Variants in SLC12A5 observed in about 807,000 individuals in gnomAD.
The protein encoded by SLC12A5 is solute carrier family 12 member 5.
SLC12A5 carries 18 observed loss-of-function variants against 124.0 expected under a neutral mutation model. The ratio of observed to expected loss-of-function variants is 0.15; its 90% CI spans 0.10 to 0.22. The LOEUF is 0.22. Among genes scored for constraint, SLC12A5 ranks in the 10% least tolerant of loss-of-function variants. SLC12A5 has a pLI of 1.00. For missense variants in SLC12A5, 867 were observed against 1,478.7 expected (o/e 0.59, Z 6.78); for synonymous variants, 589 against 568.0 (o/e 1.04, Z -0.53).
At position 46,045,263 on chromosome 20, in the gene SLC12A5, T is replaced by C; in HGVS notation, c.1569+123T>C. On this transcript the variant is annotated intron_variant, in intron 12 of 25. Transcript: ENST00000243964. This position sits in a 1 kb window ranked among gnomAD's most constrained non-coding sequence, Gnocchi z 4.9. The stretch of plus-strand genomic sequence containing the variant: ...TACCTCCTGGGCCACTTCTGCTCTG[T>C]ACTGCACTGGCCAGGCCTATCTGGC... 2.6e-6 allele frequency: 3 copies of C among 1,173,920 alleles called. No individual in the cohort carries two copies. The highest frequency in any genetic ancestry group is 3.5e-6 in the Non-Finnish European group (3 of 861,022). The allele number at this position is 1,173,920 out of a possible 1,614,324, so 72.7% of individuals were successfully genotyped here. A position where few individuals can be genotyped will look rare whatever the true frequency, so the allele number is the denominator to read the frequency against.
chr20:46,054,253 A>T (rs548153923), intron 20 of SLC12A5, among the ~76,000 whole-genome samples: 1 of 152,346 alleles, frequency 6.6e-6, no homozygotes, highest in South Asian at 2.1e-4. Flanking sequence ...AACATATCTA[A>T]ACATAGAAAA....
In SLC12A5 at chr20:46,057,363, G is replaced by C. The variant is rs371174965; in HGVS notation, c.3259+60G>C. ...GTGGACGTCAGGGAATCTGGGTCCT[G>C]TCCCTGGGATGGAAGAGCTGAGCTG... is the stretch of plus-strand genomic sequence containing the variant. On this transcript the variant is annotated intron_variant, in intron 25 of 25. Transcript: ENST00000243964. The surrounding 1 kb of genome is among the most constrained non-coding windows in gnomAD (Gnocchi z 7.1). 149 of 1,611,748 alleles carry C rather than the reference G, an allele frequency of 9.2e-5. No individual in the cohort carries two copies. The African/African-American group carries it at 1.5e-3, about 16-fold the overall frequency.
In SLC12A5 at chr20:46,056,109, G is replaced by T; in HGVS notation, c.2788-41G>T. 6.2e-7 allele frequency: 1 copy of T among 1,611,252 alleles called. No homozygotes were observed. Among genetic ancestry groups the T allele is most frequent in the South Asian group, 1.1e-5 (1 of 90,636 alleles). On this transcript the variant is annotated intron_variant, in intron 21 of 25. Coordinates refer to ENST00000243964, the MANE Select transcript of SLC12A5 (RefSeq NM_020708.5). The surrounding 1 kb of genome is among the most constrained non-coding windows in gnomAD (Gnocchi z 4.3). The stretch of plus-strand genomic sequence containing the variant: ...TAGCTCTTTGCAGGGCATGGGTGGT[G>T]ACTCCCAGCAGAGCTGGCACCAACC...
chr20:46,022,810 G>A, intron 1 of SLC12A5: 1 of 399,122 alleles, frequency 2.5e-6, no homozygotes, highest in Non-Finnish European at 4.4e-6. Flanking sequence ...TCTGGCCTTC[G>A]GTGGAGAAGT....
chr20:46,029,758 G>C (rs2084429341), intron 1 of SLC12A5, among the ~76,000 whole-genome samples: 1 of 152,170 alleles, frequency 6.6e-6, no homozygotes, highest in African/African-American at 2.4e-5. Flanking sequence ...AGGGGACCCC[G>C]GCGTCCTGGC....
intron 18 of SLC12A5, 98 bp from the exon 19 acceptor site, chr20:46,052,859 G>T: frequency 1.5e-6 from 2 of 1,345,234 alleles, no homozygotes; most frequent in Non-Finnish European, 2.0e-6. Context: ...GGAGTGGGGT[G>T]GAGTGCTGGC....
upstream of SLC12A5, chr20:46,029,153 G>T: frequency 7.1e-7 from 1 of 1,403,818 alleles, no homozygotes. Context: ...CTGCTGAGAG[G>T]GGGCGCGCGC....
chr20:46,029,113 C>G, upstream of SLC12A5: 1 of 1,344,278 alleles, frequency 7.4e-7, no homozygotes, highest in Non-Finnish European at 9.5e-7. Flanking sequence ...GCTCACGCCT[C>G]CTGCATACGG....
chr20:46,054,835 C>T, intron 20 of SLC12A5, 81 bp from the exon 21 acceptor site: 7 of 966,404 alleles, frequency 7.2e-6, no homozygotes, highest in Non-Finnish European at 9.8e-6. Flanking sequence ...CTTCCCTTGG[C>T]CTTTCACCTG....
At chr20:46,040,343 G>A (rs575958914) in intron 6 of SLC12A5, 30 bp from the exon 7 acceptor site, 1 of 1,610,824 alleles carries the variant, frequency 6.2e-7, no homozygotes. Flanking sequence ...GCTGACTTAG[G>A]TATCTGTTCT....
In SLC12A5 at chr20:46,045,806, GT is replaced by G; in HGVS notation, c.1570-70del. The G allele has an allele frequency of 7.9e-7, 1 of 1,260,874 alleles. No homozygotes were observed. The highest frequency in any genetic ancestry group is 1.1e-6 in the Non-Finnish European group (1 of 873,654). 78.1% of individuals were successfully genotyped at this position (1,260,874 alleles called of 1,614,324 possible). On this transcript the variant is annotated intron_variant, in intron 12 of 25. Transcript: ENST00000243964. This position sits in a 1 kb window ranked among gnomAD's most constrained non-coding sequence, Gnocchi z 4.9. ...TAGGATTCCTGCCTCTACTCCACTG[GT>G]TCCCGAGGCTAGGGGAGAGGGCTGA...
chr20:46,029,761 G>C (rs1272483610), intron 1 of SLC12A5, among the ~76,000 whole-genome samples: 3 of 152,150 alleles, frequency 2.0e-5, no homozygotes, highest in Non-Finnish European at 4.4e-5. Context: ...GGACCCCGGC[G>C]TCCTGGCGCA....
rs1286692566 is a variant in SLC12A5 at position 46,045,645 on chromosome 20, C to G, written c.1570-233C>G. ...TCTGGTCCTCTGCAGCTGCTTTCCC[C>G]CTCTAGGGATCATTTGAACTTCATG... On this transcript the variant is annotated intron_variant, in intron 12 of 25. Transcript: ENST00000243964. The surrounding 1 kb of genome is among the most constrained non-coding windows in gnomAD (Gnocchi z 4.9). Among the ~76,000 whole-genome samples the G allele has an allele frequency of 6.6e-6, 1 of 152,166 alleles. No individual in the cohort carries two copies. The highest frequency in any genetic ancestry group is 1.5e-5 in the Non-Finnish European group (1 of 68,022).
At chr20:46,024,850 A>G (rs763977009), upstream of SLC12A5, among the ~76,000 whole-genome samples, 2 of 152,062 alleles carry the variant, frequency 1.3e-5, no homozygotes, top group Non-Finnish European at 2.9e-5. Flanking sequence ...AGTTGTTACA[A>G]CTCTGAGATG....
At chr20:46,029,882 GTGTGTGTGCGCGCGCGTGCGTA>G (rs1408279793) in intron 1 of SLC12A5, among the ~76,000 whole-genome samples, 1 of 51,128 alleles carries the variant, frequency 2.0e-5, no homozygotes, top group Admixed American at 1.5e-4. Context: ...GTGTGTGTGT[GTGTGTGTGCGCGCGCGTGCGTA>G]TGTGTGTGTG....
chr20:46,021,754 C>T, upstream of SLC12A5: 1 of 1,534,426 alleles, frequency 6.5e-7, no homozygotes, highest in Non-Finnish European at 8.7e-7. Context: ...CCGCCTGGCT[C>T]CTTTCCGCGC....
At position 46,053,093 on chromosome 20, in the gene SLC12A5, C is replaced by T. The variant is rs768958786; in HGVS notation, c.2514C>T (p.Leu838=). The change falls in exon 19 of 26, where the codon CTC becomes CTT. Residue 838 remains leucine, a synonymous_variant. Transcript: ENST00000243964. This position sits in a 1 kb window ranked among gnomAD's most constrained non-coding sequence, Gnocchi z 4.7. ...GGATTGTGCACGATGGAGGCATGCTCATGCTGCTGCCCTTCCTGCTGCGGC... is the reference window on the plus strand; with the variant it reads ...GGATTGTGCACGATGGAGGCATGCTTATGCTGCTGCCCTTCCTGCTGCGGC... ...VWWIVHDGGM[L]MLLPFLLRHH... is the part of the protein sequence containing the mutation. 6.2e-7 allele frequency: 1 copy of T among 1,612,332 alleles called. No individual in the cohort carries two copies. The highest frequency in any genetic ancestry group is 1.1e-5 in the South Asian group (1 of 91,048).
chr20:46,048,034 G>A lies in SLC12A5; in HGVS notation c.1961G>A (p.Arg654His), dbSNP rs760824180. The A allele has an allele frequency of 1.7e-5, 28 of 1,612,676 alleles. No individual in the cohort carries two copies. Among genetic ancestry groups the A allele is most frequent in the East Asian group, 2.2e-5 (1 of 44,868 alleles). Reference protein sequence around the residue: ...GIRGLSLSAARYALLRLEEGP... With the variant: ...GIRGLSLSAAHYALLRLEEGP... The stretch of plus-strand genomic sequence containing the variant: ...CGAGGTCTGTCTCTCAGTGCGGCTC[G>A]CTATGCCCTCTTACGCCTGGAGGAA... The change falls in exon 16 of 26, where the codon CGC (arginine) becomes CAC (histidine). Residue 654 changes from arginine to histidine, a missense_variant. Physicochemically the swap from Arg to His is conservative, Grantham distance 29. Around this residue, in one of 9 missense-constraint regions of SLC12A5, gnomAD observed 152 missense variants for 358.7 expected, o/e 0.42. Coordinates refer to ENST00000243964, the MANE Select transcript of SLC12A5 (RefSeq NM_020708.5).
At chr20:46,046,186 A>G (rs538585462) in intron 13 of SLC12A5, 152 bp from the exon 14 acceptor site, 500 of 829,422 alleles carry the variant, frequency 6.0e-4, no homozygotes, top group Non-Finnish European at 8.7e-4. Context: ...TTGTGAGGGT[A>G]TTTGGCTTGA....
Sources: allele counts gnomAD v4.1 joint callset (sites outside exome capture counted in the v4.1 genomes callset), GRCh38; gene constraint gnomAD v4.1.1; regional missense constraint gnomAD v4.1.1; non-coding constraint Gnocchi (gnomAD v3.1); transcripts MANE v1.5; gene names NCBI Gene and HGNC (gene_info 2026-07-23, HGNC 2026-07-21).